Variants in FCHSD2 observed in about 807,000 individuals in gnomAD.
FCHSD2 encodes the protein F-BAR and double SH3 domains protein 2.
A neutral mutation model predicts 108.1 loss-of-function variants in FCHSD2; 38 were observed. That is an observed-to-expected ratio of 0.35 (90% confidence interval 0.27 to 0.46). The LOEUF is 0.46. Among genes scored for constraint, FCHSD2 ranks in the 20% least tolerant of loss-of-function variants. FCHSD2 has a pLI of 1.00. For missense variants in FCHSD2, 751 were observed against 897.8 expected, an observed-to-expected ratio of 0.84 and a Z score of 2.09; for synonymous variants, 279 against 314.7, an observed-to-expected ratio of 0.89 and a Z score of 1.20.
chr11:72,958,901 A>G (rs1856765971), intron 8 of FCHSD2, among the ~76,000 whole-genome samples: 2 of 152,288 alleles, frequency 1.3e-5, no homozygotes, highest in South Asian at 2.1e-4. Flanking sequence ...ATTTCCATCT[A>G]TGGAAACAGA....
intron 13 of FCHSD2, 98 bp downstream of exon 13, chr11:72,867,767 T>G (rs549474438): frequency 9.8e-7 from 1 of 1,015,786 alleles, no homozygotes; most frequent in East Asian, 2.6e-5. Flanking sequence ...CAAACTATTA[T>G]CTTTTTAAAA....
At chr11:72,959,047 C>T (rs965514490) in intron 8 of FCHSD2, among the ~76,000 whole-genome samples, 1 of 151,246 alleles carries the variant, frequency 6.6e-6, no homozygotes, top group Non-Finnish European at 1.5e-5. Context: ...GTGCATGGGA[C>T]ACACATCTCC....
At chr11:72,944,584 T>C (rs559827873) in intron 8 of FCHSD2, among the ~76,000 whole-genome samples, 26 of 152,206 alleles carry the variant, frequency 1.7e-4, no homozygotes, top group South Asian at 8.3e-4. Context: ...AAAGAGTATT[T>C]AATTAGGAAA....
chr11:72,984,557 A>T (rs1313727993), intron 7 of FCHSD2, among the ~76,000 whole-genome samples: 1 of 152,226 alleles, frequency 6.6e-6, no homozygotes, highest in Non-Finnish European at 1.5e-5. Flanking sequence ...AATCTAGTGG[A>T]GTTAGAAAAC....
intron 12 of FCHSD2, among the ~76,000 whole-genome samples, chr11:72,879,198 A>G (rs972384179): frequency 7.9e-5 from 12 of 152,248 alleles, no homozygotes; most frequent in African/African-American, 2.2e-4. Flanking sequence ...TACCCACGGC[A>G]TTAGTATAGG....
intron 10 of FCHSD2, among the ~76,000 whole-genome samples, chr11:72,892,873 G>A (rs1205099096): frequency 6.7e-6 from 1 of 150,340 alleles, no homozygotes; most frequent in East Asian, 2.0e-4. Flanking sequence ...CAAAGTGCTT[G>A]GATTACAGGT....
rs80114378 is a variant in FCHSD2, at chr11:73,040,800, C to T, written c.166-24915G>A. 9.2e-3 allele frequency among the ~76,000 whole-genome samples: 1,395 copies of T among 152,252 alleles called. 16 individuals are homozygous for T. The highest frequency in any genetic ancestry group is 0.032 in the African/African-American group (1,336 of 41,540). ...TGTTGATTACACTAATCCGACTGTGCTATAAAATACTAAAACGTATTCCTT... is the reference window on the plus strand; with the variant it reads ...TGTTGATTACACTAATCCGACTGTGTTATAAAATACTAAAACGTATTCCTT... On this transcript the variant is annotated intron_variant, in intron 3 of 19. Transcript: ENST00000409418.
At chr11:72,942,012 T>C in intron 8 of FCHSD2, among the ~76,000 whole-genome samples, 1 of 152,180 alleles carries the variant, frequency 6.6e-6, no homozygotes, top group Non-Finnish European at 1.5e-5. Context: ...AAGTAACATG[T>C]AAAGGCAGTG....
chr11:72,908,491 T>G (rs1009926237), intron 9 of FCHSD2, among the ~76,000 whole-genome samples: 2 of 152,150 alleles, frequency 1.3e-5, no homozygotes, highest in African/African-American at 4.8e-5. Context: ...TAATTTACAT[T>G]CCCAGCAACA....
At chr11:73,093,325 C>T (rs1329303080) in intron 2 of FCHSD2, among the ~76,000 whole-genome samples, 1 of 152,156 alleles carries the variant, frequency 6.6e-6, no homozygotes, top group Non-Finnish European at 1.5e-5. Context: ...TTTCAGTGAG[C>T]TCTGAGAGTC....
chr11:72,921,250 A>ATT (rs1855971476), intron 9 of FCHSD2, among the ~76,000 whole-genome samples: 1 of 152,218 alleles, frequency 6.6e-6, no homozygotes, highest in African/African-American at 2.4e-5. Flanking sequence ...ACTGCAAAAC[A>ATT]TTTTAATCTA....
chr11:72,878,477 T>C (rs895478513), intron 12 of FCHSD2, among the ~76,000 whole-genome samples: 2 of 152,112 alleles, frequency 1.3e-5, no homozygotes, highest in Non-Finnish European at 2.9e-5. Flanking sequence ...ATTAAGAGAA[T>C]CAGAGCTTCT....
At chr11:72,930,624 A>G (rs1483784835) in intron 8 of FCHSD2, among the ~76,000 whole-genome samples, 1 of 152,158 alleles carries the variant, frequency 6.6e-6, no homozygotes, top group Admixed American at 6.5e-5. Context: ...GCCCATCCGT[A>G]GTCCCAATTA....
intron 5 of FCHSD2, among the ~76,000 whole-genome samples, chr11:72,993,983 T>G (rs1462685181): frequency 6.6e-6 from 1 of 152,204 alleles, no homozygotes; most frequent in Non-Finnish European, 1.5e-5. Context: ...TATCCGGACA[T>G]GTCCCTTACA....
intron 9 of FCHSD2, among the ~76,000 whole-genome samples, chr11:72,919,371 T>C (rs1262409874): frequency 6.6e-6 from 1 of 152,196 alleles, no homozygotes; most frequent in Non-Finnish European, 1.5e-5. Flanking sequence ...TATGAGTGAA[T>C]GCAGAAAATG....
intron 4 of FCHSD2, among the ~76,000 whole-genome samples, chr11:73,004,057 CGA>C (rs1186838681): frequency 2.3e-5 from 3 of 129,982 alleles, no homozygotes; most frequent in Non-Finnish European, 4.7e-5. Flanking sequence ...TGCAGTGAGC[CGA>C]GATAGTGCCA....
intron 2 of FCHSD2, among the ~76,000 whole-genome samples, chr11:73,112,688 G>A (rs766836103): frequency 5.3e-5 from 8 of 152,036 alleles, no homozygotes; most frequent in African/African-American, 1.4e-4. Flanking sequence ...TCGCTCTGTC[G>A]CCCAGGCTGG....
At chr11:72,870,931 C>T (rs1043774503) in intron 12 of FCHSD2, among the ~76,000 whole-genome samples, 3 of 151,850 alleles carry the variant, frequency 2.0e-5, no homozygotes, top group African/African-American at 7.2e-5. Flanking sequence ...AGAATTCCCC[C>T]TTTGACTTGG....
chr11:72,864,944 C>T (rs1854690140), intron 13 of FCHSD2, among the ~76,000 whole-genome samples: 1 of 152,156 alleles, frequency 6.6e-6, no homozygotes, highest in South Asian at 2.1e-4. Context: ...TTAAAAACAA[C>T]GTTGCTATAC....
Sources: gnomAD v4.1 joint callset for allele counts (sites outside exome capture counted in the v4.1 genomes callset) on GRCh38, gnomAD v4.1.1 for gene constraint, MANE v1.5 for transcripts, NCBI Gene and HGNC (gene_info 2026-07-23, HGNC 2026-07-21) for gene names.